RCHY1: variants seen among roughly 807,000 people sequenced by gnomAD.
The protein encoded by RCHY1 is ring finger and CHY zinc finger domain containing 1.
In RCHY1, 21 loss-of-function variants were observed where a neutral mutation model predicts 41.6. The observed-to-expected ratio is 0.51, with a 90% CI of 0.36 to 0.73. The LOEUF (loss-of-function observed/expected upper bound fraction) is 0.73, where lower values mean the gene tolerates loss of function less well. Among genes scored for constraint, RCHY1 ranks in the 30% least tolerant of loss-of-function variants. The probability of loss-of-function intolerance (pLI) is 0.00; values close to 1 mark genes in which losing one functional copy is unlikely to be tolerated. For missense variants in RCHY1, 265 were observed against 325.3 expected (o/e 0.81, Z 1.43); for synonymous variants, 79 against 102.9 (o/e 0.77, Z 1.41).
In RCHY1 at chr4:75,482,684, C is replaced by G; in HGVS notation, c.658-18G>C. On this transcript the variant is annotated intron_variant, in intron 8 of 8. Transcript: ENST00000324439. ...CAGAGAATCTGAAAAGAGATTAATT[C>G]AAATTAAGTATTTTAAACCTTATAA... The G allele has an allele frequency of 1.3e-6, 2 of 1,570,988 alleles. No homozygotes were observed. The highest frequency in any genetic ancestry group is 1.7e-6 in the Non-Finnish European group (2 of 1,152,520).
At chr4:75,487,483 G>T (rs1254890503) in intron 8 of RCHY1, among the ~76,000 whole-genome samples, 46 of 80,718 alleles carry the variant, frequency 5.7e-4, no homozygotes, top group Non-Finnish European at 7.2e-4. Context: ...AATATATATA[G>T]TCATATATAT....
intron 1 of RCHY1, among the ~76,000 whole-genome samples, chr4:75,511,933 A>G (rs1724920245): frequency 6.6e-6 from 1 of 152,172 alleles, no homozygotes; most frequent in Non-Finnish European, 1.5e-5. Context: ...CCAATGCTAC[A>G]GAACAACGGC....
intron 3 of RCHY1, among the ~76,000 whole-genome samples, chr4:75,495,044 G>A (rs1723068885): frequency 1.3e-5 from 2 of 151,698 alleles, no homozygotes; most frequent in Admixed American, 1.3e-4. Context: ...ATGAATATTA[G>A]TTATTTATAT....
At chr4:75,511,584 G>A (rs774954100) in intron 1 of RCHY1, among the ~76,000 whole-genome samples, 3 of 152,100 alleles carry the variant, frequency 2.0e-5, no homozygotes, top group Non-Finnish European at 4.4e-5. Flanking sequence ...AGAAGTGTTT[G>A]ATCAAAACTT....
At chr4:75,493,614 ATAATGTAATACTTTATTAGATT>A (rs1166301993) in intron 4 of RCHY1, among the ~76,000 whole-genome samples, 2 of 151,880 alleles carry the variant, frequency 1.3e-5, no homozygotes, top group African/African-American at 2.4e-5. Flanking sequence ...AATCAGTACT[ATAATGTAATACTTTATTAGATT>A]TTTTTTTAAA....
chr4:75,495,096 T>C (rs566188257), intron 3 of RCHY1, among the ~76,000 whole-genome samples: 1 of 152,132 alleles, frequency 6.6e-6, no homozygotes, highest in African/African-American at 2.4e-5. Flanking sequence ...TATATTTATA[T>C]ATCACCAATA....
Position 75,479,213 on chromosome 4 carries a change from A to G in RCHY1, c.*3325T>C, listed in dbSNP as rs771111964. 1 of 152,140 alleles carries G rather than the reference A, an allele frequency of 6.6e-6. No individual in the cohort carries two copies. Among genetic ancestry groups the G allele is most frequent in the Non-Finnish European group, 1.5e-5 (1 of 67,998 alleles). The allele number at this position is 152,140 out of a possible 1,614,324, so 9.4% of individuals were successfully genotyped here. A position where few individuals can be genotyped will look rare whatever the true frequency, so the allele number is the denominator to read the frequency against. ...TTTAATCATTCTACACTGTAAACAT[A>G]TATCAAAACATCACATTGTACTCCA... is the stretch of plus-strand genomic sequence containing the variant. On this transcript the variant is annotated 3_prime_UTR_variant, in exon 9 of 9. Coordinates refer to ENST00000324439, the MANE Select transcript of RCHY1 (RefSeq NM_015436.4).
At chr4:75,512,232 G>A in intron 1 of RCHY1, among the ~76,000 whole-genome samples, 1 of 152,150 alleles carries the variant, frequency 6.6e-6, no homozygotes, top group East Asian at 1.9e-4. Flanking sequence ...CTAAGATTTA[G>A]ATGATCATTT....
chr4:75,490,947 T>G (rs926328512), intron 7 of RCHY1: 2 of 319,546 alleles, frequency 6.3e-6, no homozygotes, highest in African/African-American at 4.3e-5. Context: ...TAGTCCATAT[T>G]CTTTGTAGAA....
At chr4:75,486,449 A>C (rs1722012543) in intron 8 of RCHY1, among the ~76,000 whole-genome samples, 1 of 151,860 alleles carries the variant, frequency 6.6e-6, no homozygotes, top group African/African-American at 2.4e-5. Flanking sequence ...AGAAAAACTA[A>C]ATATATTTAG....
At chr4:75,494,705 A>G (rs1307781665) in intron 3 of RCHY1, among the ~76,000 whole-genome samples, 3 of 151,808 alleles carry the variant, frequency 2.0e-5, no homozygotes, top group African/African-American at 7.2e-5. Context: ...ATTTTTTACG[A>G]GATTCCTAGA....
intron 8 of RCHY1, among the ~76,000 whole-genome samples, chr4:75,483,964 C>G (rs750949158): frequency 6.6e-6 from 1 of 152,158 alleles, no homozygotes; most frequent in Non-Finnish European, 1.5e-5. Context: ...TGATCACTCT[C>G]CATAAGCCAA....
At chr4:75,494,278 T>C in intron 3 of RCHY1, 99 bp from the exon 4 acceptor site, 9 of 813,328 alleles carry the variant, frequency 1.1e-5, no homozygotes, top group South Asian at 9.9e-5. Context: ...GTAAAAAAAA[T>C]TTCCAGCCAC....
chr4:75,513,575 C>A (rs2148790152), intron 1 of RCHY1, among the ~76,000 whole-genome samples: 1 of 152,148 alleles, frequency 6.6e-6, no homozygotes, highest in Admixed American at 6.5e-5. Flanking sequence ...CAAGGAAAAT[C>A]AGGAAACTTC....
intron 4 of RCHY1, among the ~76,000 whole-genome samples, chr4:75,492,796 G>C (rs1722869112): frequency 6.6e-6 from 1 of 151,944 alleles, no homozygotes; most frequent in South Asian, 2.1e-4. Context: ...TTAATAGTAA[G>C]TTTAAAAATC....
At chr4:75,507,657 G>A (rs1482222414) in intron 3 of RCHY1, among the ~76,000 whole-genome samples, 1 of 151,988 alleles carries the variant, frequency 6.6e-6, no homozygotes, top group East Asian at 1.9e-4. Flanking sequence ...GGATATACAT[G>A]CAAAAACTCA....
At chr4:75,494,972 G>A (rs907140707) in intron 3 of RCHY1, among the ~76,000 whole-genome samples, 3 of 151,784 alleles carry the variant, frequency 2.0e-5, no homozygotes, top group African/African-American at 2.4e-5. Flanking sequence ...CTGTTCATAT[G>A]TTCTGTCCAT....
intron 3 of RCHY1, among the ~76,000 whole-genome samples, chr4:75,496,654 C>A (rs964404138): frequency 6.6e-6 from 1 of 152,042 alleles, no homozygotes; most frequent in African/African-American, 2.4e-5. Context: ...TGGAGAATAG[C>A]CCTGGGATAA....
At chr4:75,500,404 T>C (rs914170851) in intron 3 of RCHY1, among the ~76,000 whole-genome samples, 2 of 152,204 alleles carry the variant, frequency 1.3e-5, no homozygotes, top group African/African-American at 2.4e-5. Flanking sequence ...TAAGGATATA[T>C]GTTCATTACC....
Sources: allele counts gnomAD v4.1 joint callset (sites outside exome capture counted in the v4.1 genomes callset), GRCh38; gene constraint gnomAD v4.1.1; transcripts MANE v1.5; gene names NCBI Gene and HGNC (gene_info 2026-07-23, HGNC 2026-07-21).